OR51B5: variants seen among roughly 807,000 people sequenced by gnomAD.
OR51B5 encodes the protein olfactory receptor 51B5.
For synonymous variants in OR51B5, 186 were observed against 144.8 expected, an observed-to-expected ratio of 1.28 and a Z score of -2.04; for missense variants, 456 against 374.6, an observed-to-expected ratio of 1.22 and a Z score of -1.79.
rs138182979 is a variant in OR51B5 at position 5,437,238 on chromosome 11, AG to A, written n.84+68330del. Among the ~76,000 whole-genome samples, 853 of 152,228 alleles carry A rather than the reference AG, an allele frequency of 5.6e-3. 7 individuals are homozygous for A. Among genetic ancestry groups the A allele is most frequent in the African/African-American group, 0.019 (799 of 41,522 alleles). ...CCCCCCACAGTTATCCAGTCTCAAA[AG>A]TGCAACTCTGTGCTCAGAACCCACA... On this transcript the variant is annotated intron_variant and non_coding_transcript_variant, in intron 1 of 4. Coordinates refer to the OR51B5 transcript ENST00000415970.
Position 5,481,423 on chromosome 11 carries a change from G to C in OR51B5, n.84+24146C>G, listed in dbSNP as rs1286150656. Among the ~76,000 whole-genome samples, 6 of 100,334 alleles carry C rather than the reference G, an allele frequency of 6.0e-5. No individual in the cohort carries two copies. In the South Asian group the frequency reaches 1.5e-3, roughly 25 times the overall value. The allele number at this position is 100,334 out of a possible 152,430, so 65.8% of individuals were successfully genotyped here. ...TATCATACTGAATGGGCAAAAACTGGAAGCATTCCCTTTGAAAACTGGCAC... is the reference window on the plus strand; with the variant it reads ...TATCATACTGAATGGGCAAAAACTGCAAGCATTCCCTTTGAAAACTGGCAC... On this transcript the variant is annotated intron_variant and non_coding_transcript_variant, in intron 1 of 4. Transcript: ENST00000415970.
intron 1 of OR51B5, among the ~76,000 whole-genome samples, chr11:5,411,707 A>G (rs1850151571): frequency 1.3e-5 from 2 of 152,200 alleles, no homozygotes; most frequent in South Asian, 4.1e-4. Context: ...CAAACCTTAA[A>G]ATAAGGTGAA....
intron 1 of OR51B5, chr11:5,385,258 T>G (rs1849669302): frequency 6.6e-6 from 1 of 152,314 alleles, no homozygotes; most frequent in African/African-American, 2.4e-5. Context: ...GATAATTATC[T>G]CTCTTGCTAG....
intron 1 of OR51B5, among the ~76,000 whole-genome samples, chr11:5,438,539 C>T (rs1850624271): frequency 6.6e-6 from 1 of 152,184 alleles, no homozygotes. Flanking sequence ...GTGACCAACT[C>T]TGTGCTGAGT....
intron 1 of OR51B5, chr11:5,489,003 A>G (rs1490260665): frequency 1.9e-6 from 3 of 1,614,040 alleles, no homozygotes; most frequent in Admixed American, 3.3e-5. Context: ...CCTTTGGTGG[A>G]TGCCTGGCCC....
chr11:5,358,325 C>A (rs1303135627), intron 1 of OR51B5, among the ~76,000 whole-genome samples: 1 of 151,220 alleles, frequency 6.6e-6, no homozygotes, highest in African/African-American at 2.4e-5. Context: ...CCACCGATCC[C>A]ACAGAAATAC....
At chr11:5,467,571 C>T (rs1195463633) in intron 1 of OR51B5, among the ~76,000 whole-genome samples, 1 of 152,200 alleles carries the variant, frequency 6.6e-6, no homozygotes, top group Non-Finnish European at 1.5e-5. Flanking sequence ...CTTTTTAAAT[C>T]TGTTAAGTGT....
chr11:5,487,251 T>A lies in OR51B5; in HGVS notation n.84+18318A>T, dbSNP rs552087762. Among the ~76,000 whole-genome samples, 4 of 152,308 alleles carry A rather than the reference T, an allele frequency of 2.6e-5. No individual in the cohort carries two copies. The East Asian group carries it at 7.7e-4, about 29-fold the overall frequency. ...ACTCTCTTTTATCGAGAGTATATGTTGTTAAAATATAAATATCTTATTTTT... is the reference window on the plus strand; with the variant it reads ...ACTCTCTTTTATCGAGAGTATATGTAGTTAAAATATAAATATCTTATTTTT... On this transcript the variant is annotated intron_variant and non_coding_transcript_variant, in intron 1 of 4. Transcript: ENST00000415970.
chr11:5,505,423 T>A, intron 1 of OR51B5: 3 of 1,303,942 alleles, frequency 2.3e-6, no homozygotes, highest in Non-Finnish European at 2.0e-6. Context: ...AAACAATAGG[T>A]TTTTCTTTAA....
Position 5,343,499 on chromosome 11 carries a change from G to A in OR51B5, c.26C>T (p.Pro9Leu), listed in dbSNP as rs969503389. 8.5e-7 allele frequency: 1 copy of A among 1,175,936 alleles called. No homozygotes were observed. Among genetic ancestry groups the A allele is most frequent in the African/African-American group, 1.5e-5 (1 of 65,120 alleles). 72.8% of individuals were successfully genotyped at this position (1,175,936 alleles called of 1,614,324 possible). A position where few individuals can be genotyped will look rare whatever the true frequency, so the allele number is the denominator to read the frequency against. ...GCCTGGAAAACCAGTCAATAGGAAG[G>A]GATGGGAGCTGCCGCTGGACGACAT... Residue 9 changes from proline (P) to leucine (L), a missense_variant, in exon 1 of 1, where the codon CCC (proline) becomes CTC (leucine). Coordinates refer to ENST00000300773, the Ensembl canonical transcript of OR51B5.
At chr11:5,432,700 GATATTTT>G (rs1441782994) in intron 1 of OR51B5, among the ~76,000 whole-genome samples, 3 of 152,166 alleles carry the variant, frequency 2.0e-5, no homozygotes, top group Non-Finnish European at 4.4e-5. Context: ...TATTGAGTAA[GATATTTT>G]ATTCTTAGAG....
chr11:5,488,459 T>C (rs12577059), intron 1 of OR51B5, among the ~76,000 whole-genome samples: 27,187 of 152,076 alleles, frequency 0.18, 2,598 homozygotes, highest in Middle Eastern at 0.28. Context: ...AATAAATACT[T>C]AGCTTGGTGC....
chr11:5,454,880 A>G (rs1471017797), intron 1 of OR51B5: 1 of 154,478 alleles, frequency 6.5e-6, no homozygotes, highest in Non-Finnish European at 1.4e-5. Flanking sequence ...TCCAGTTGAC[A>G]TTCAACACTA....
chr11:5,441,675 C>T (rs1498487), intron 1 of OR51B5, among the ~76,000 whole-genome samples: 130,926 of 152,180 alleles, frequency 0.86, 56,446 homozygotes, highest in African/African-American at 0.9. Flanking sequence ...AGGAAGCAAC[C>T]GGGTTCTAAT....
chr11:5,380,030 A>G (rs2736544), intron 1 of OR51B5, among the ~76,000 whole-genome samples: 30,565 of 152,038 alleles, frequency 0.2, 3,326 homozygotes, highest in East Asian at 0.37. Context: ...GTACTCTGTT[A>G]TAGCAAATCA....
chr11:5,453,911 T>G, intron 1 of OR51B5: 1 of 1,614,196 alleles, frequency 6.2e-7, no homozygotes, highest in Non-Finnish European at 8.5e-7. Flanking sequence ...CTGAAGTCAT[T>G]GCTGCAATGG....
intron 1 of OR51B5, among the ~76,000 whole-genome samples, chr11:5,411,740 C>A (rs1272012891): frequency 2.0e-5 from 3 of 152,046 alleles, no homozygotes; most frequent in Admixed American, 1.3e-4. Context: ...TCAAGTGAGC[C>A]CAACATAATC....
At position 5,355,762 on chromosome 11, in the gene OR51B5, TAA is replaced by T. The variant is rs10581803; in HGVS notation, n.85-8854_85-8853del. 6.2e-3 allele frequency among the ~76,000 whole-genome samples: 914 copies of T among 148,474 alleles called. 2 individuals are homozygous for T. Among genetic ancestry groups the T allele is most frequent in the Non-Finnish European group, 8.1e-3 (543 of 67,268 alleles). On this transcript the variant is annotated intron_variant and non_coding_transcript_variant, in intron 1 of 4. Coordinates refer to the OR51B5 transcript ENST00000415970. ...ATTTCTAACAATTACCTTTAAAAATTAAAAAAAAAAAAAAGAGTAGGGTCAAG... is the reference window on the plus strand; with the variant it reads ...ATTTCTAACAATTACCTTTAAAAATTAAAAAAAAAAAAGAGTAGGGTCAAG...
chr11:5,446,441 T>C (rs1850765026), intron 1 of OR51B5, among the ~76,000 whole-genome samples: 1 of 152,270 alleles, frequency 6.6e-6, no homozygotes, highest in East Asian at 1.9e-4. Context: ...AAATTTTTAA[T>C]GAAAAAAGGA....
Sources: allele counts gnomAD v4.1 joint callset (sites outside exome capture counted in the v4.1 genomes callset), GRCh38; gene constraint gnomAD v4.1.1; transcripts MANE v1.5; gene names NCBI Gene and HGNC (gene_info 2026-07-23, HGNC 2026-07-21).